NR3C2: variants seen among roughly 807,000 people sequenced by gnomAD.
NR3C2 encodes the protein nuclear receptor subfamily 3 group C member 2.
A neutral mutation model predicts 86.4 loss-of-function variants in NR3C2; 15 were observed. That is an observed-to-expected ratio of 0.17 (90% confidence interval 0.12 to 0.27). The LOEUF (loss-of-function observed/expected upper bound fraction) is 0.27, where lower values mean the gene tolerates loss of function less well. Among genes scored for constraint, NR3C2 ranks in the 10% least tolerant of loss-of-function variants. The pLI is 1.00. For synonymous variants in NR3C2, 458 were observed against 450.5 expected (o/e 1.02, Z -0.21); for missense variants, 960 against 1,195.6 (o/e 0.80, Z 2.91).
At chr4:148,129,185 T>A (rs1732891341) in intron 6 of NR3C2, among the ~76,000 whole-genome samples, 1 of 152,226 alleles carries the variant, frequency 6.6e-6, no homozygotes, top group African/African-American at 2.4e-5. Context: ...GGGACATTAT[T>A]GAGTCTTAAA....
At chr4:148,264,791 C>G (rs1161848350) in intron 2 of NR3C2, among the ~76,000 whole-genome samples, 1 of 152,150 alleles carries the variant, frequency 6.6e-6, no homozygotes, top group Admixed American at 6.5e-5. Context: ...ACAACGTATT[C>G]TGAAACCCAG....
intron 6 of NR3C2, among the ~76,000 whole-genome samples, chr4:148,136,063 A>AAC (rs1696904457): frequency 1.7e-5 from 1 of 57,994 alleles, no homozygotes; most frequent in Non-Finnish European, 4.1e-5. Context: ...TCTCAAAAAA[A>AAC]AAAAAAAAAA....
chr4:148,424,252 C>T (rs757370746), intron 2 of NR3C2, among the ~76,000 whole-genome samples: 2 of 152,202 alleles, frequency 1.3e-5, no homozygotes, highest in Non-Finnish European at 2.9e-5. Context: ...GATATCCCTA[C>T]ACATGTACTA....
upstream of NR3C2, chr4:148,444,490 C>G: frequency 1.0e-6 from 1 of 985,902 alleles, no homozygotes; most frequent in Non-Finnish European, 1.2e-6. Flanking sequence ...CCCCCTCTCG[C>G]CGCTGTCAGC....
At chr4:148,306,293 A>AT (rs1742620130) in intron 2 of NR3C2, among the ~76,000 whole-genome samples, 1 of 152,226 alleles carries the variant, frequency 6.6e-6, no homozygotes, top group Non-Finnish European at 1.5e-5. Context: ...ATTATTATGC[A>AT]TATTTTACAG....
chr4:148,348,287 T>A (rs182811021), intron 2 of NR3C2, among the ~76,000 whole-genome samples: 26 of 152,250 alleles, frequency 1.7e-4, no homozygotes, highest in African/African-American at 6.3e-4. Flanking sequence ...ATATGCTCTG[T>A]CCTCCCAGAG....
At chr4:148,350,184 A>T (rs1396936750) in intron 2 of NR3C2, among the ~76,000 whole-genome samples, 1 of 152,178 alleles carries the variant, frequency 6.6e-6, no homozygotes, top group Non-Finnish European at 1.5e-5. Context: ...GAGAAAGATT[A>T]ATTGCCCAAG....
At chr4:148,110,851 A>T (rs1260671986) in intron 8 of NR3C2, among the ~76,000 whole-genome samples, 1 of 152,194 alleles carries the variant, frequency 6.6e-6, no homozygotes, top group African/African-American at 2.4e-5. Flanking sequence ...TGAAAAAATG[A>T]TTTCCAAGAC....
At chr4:148,158,321 A>G (rs1297142541) in intron 4 of NR3C2, among the ~76,000 whole-genome samples, 1 of 152,250 alleles carries the variant, frequency 6.6e-6, no homozygotes, top group Non-Finnish European at 1.5e-5. Flanking sequence ...TCAGAGCTTA[A>G]GAAAATACTC....
intron 6 of NR3C2, among the ~76,000 whole-genome samples, chr4:148,151,806 A>T (rs1042689159): frequency 1.3e-5 from 2 of 152,240 alleles, no homozygotes; most frequent in African/African-American, 4.8e-5. Flanking sequence ...AATTACAAAG[A>T]AGCACTGCTA....
intron 2 of NR3C2, among the ~76,000 whole-genome samples, chr4:148,263,283 T>C (rs1370473696): frequency 6.6e-6 from 1 of 152,250 alleles, no homozygotes; most frequent in Non-Finnish European, 1.5e-5. Flanking sequence ...TCTCCAGATT[T>C]TGATGTTGTG....
chr4:148,164,006 C>G (rs1734777678), intron 4 of NR3C2, among the ~76,000 whole-genome samples: 1 of 152,186 alleles, frequency 6.6e-6, no homozygotes, highest in South Asian at 2.1e-4. Context: ...AGAGGATCGA[C>G]AGCTAAAATG....
intron 6 of NR3C2, among the ~76,000 whole-genome samples, chr4:148,136,056 C>CAAAAAAAAAAAAAAAAA (rs199716496): frequency 1.8e-4 from 13 of 71,186 alleles, no homozygotes; most frequent in African/African-American, 2.7e-4. Context: ...GACTCCGTCT[C>CAAAAAAAAAAAAAAAAA]AAAAAAAAAA....
At chr4:148,304,328 C>T (rs1290537732) in intron 2 of NR3C2, among the ~76,000 whole-genome samples, 42 of 83,854 alleles carry the variant, frequency 5.0e-4, no homozygotes, top group Admixed American at 9.8e-4. Context: ...GTTGTTGTTG[C>T]TTTTTTTTTT....
chr4:148,327,953 CT>C (rs1369864533), intron 2 of NR3C2, among the ~76,000 whole-genome samples: 1 of 152,182 alleles, frequency 6.6e-6, no homozygotes, highest in Non-Finnish European at 1.5e-5. Flanking sequence ...AAGCCTCTTC[CT>C]TTTCATGGGG....
intron 2 of NR3C2, among the ~76,000 whole-genome samples, chr4:148,294,944 G>A (rs139175859): frequency 0.014 from 2,177 of 152,160 alleles, 46 homozygotes; most frequent in African/African-American, 0.05. Context: ...CTATGATCAC[G>A]CCATTGCACT....
upstream of NR3C2, chr4:148,444,972 G>A (rs1287661961): frequency 1.0e-5 from 10 of 984,834 alleles, no homozygotes; most frequent in African/African-American, 1.8e-5. Flanking sequence ...GCGCGTGTGT[G>A]AGGGGGCGGT....
intron 5 of NR3C2, among the ~76,000 whole-genome samples, chr4:148,153,090 T>G (rs1268724602): frequency 6.6e-6 from 1 of 152,196 alleles, no homozygotes; most frequent in Non-Finnish European, 1.5e-5. Context: ...TGGTCCAGGT[T>G]AATACCAGAC....
intron 2 of NR3C2, among the ~76,000 whole-genome samples, chr4:148,339,853 G>A (rs527413543): frequency 1.3e-5 from 2 of 152,160 alleles, no homozygotes; most frequent in South Asian, 2.1e-4. Flanking sequence ...CAGTAAAGTT[G>A]CAGAATACAA....
Sources: gnomAD v4.1 joint callset for allele counts (sites outside exome capture counted in the v4.1 genomes callset) on GRCh38, gnomAD v4.1.1 for gene constraint, MANE v1.5 for transcripts, NCBI Gene and HGNC (gene_info 2026-07-23, HGNC 2026-07-21) for gene names.